Variants in TNFSF4 observed in about 807,000 individuals in gnomAD.
TNFSF4 encodes the protein tumor necrosis factor ligand superfamily member 4.
In TNFSF4, 4 loss-of-function variants were observed where a neutral mutation model predicts 7.3. The observed-to-expected ratio is 0.55, with a 90% CI of 0.27 to 1.25. The LOEUF is 1.25. Ranked by LOEUF, TNFSF4 falls within the 50% of genes most tolerant of loss-of-function variation. The pLI is 0.12. For missense variants in TNFSF4, 181 were observed against 208.8 expected (o/e 0.87, Z 0.82); for synonymous variants, 76 against 83.7 (o/e 0.91, Z 0.50).
the TNFSF4 span, among the ~76,000 whole-genome samples, chr1:173,177,829 C>T: frequency 6.6e-6 from 1 of 151,920 alleles, no homozygotes; most frequent in East Asian, 1.9e-4. Flanking sequence ...TAATAAGTGC[C>T]ATTAAAGAAT....
intron 2 of TNFSF4, 126 bp downstream of exon 2, chr1:173,188,395 G>A: frequency 1.4e-6 from 1 of 737,802 alleles, no homozygotes. Context: ...ACAATTCTGG[G>A]ATTTAATTGG....
the TNFSF4 span, among the ~76,000 whole-genome samples, chr1:173,297,237 C>T: frequency 4.0e-5 from 6 of 151,828 alleles, no homozygotes; most frequent in Non-Finnish European, 7.4e-5. Flanking sequence ...TATATTCATA[C>T]ACCATCTAAT....
chr1:173,247,727 T>G, the TNFSF4 span, among the ~76,000 whole-genome samples: 1 of 152,320 alleles, frequency 6.6e-6, no homozygotes, highest in South Asian at 2.1e-4. Flanking sequence ...AAGTATAAGT[T>G]TATTTGAAAA....
the TNFSF4 span, among the ~76,000 whole-genome samples, chr1:173,416,097 A>T: frequency 1.3e-5 from 2 of 152,186 alleles, no homozygotes; most frequent in African/African-American, 4.8e-5. Flanking sequence ...CCAGGGAGGT[A>T]GAGCCAACCC....
the TNFSF4 span, among the ~76,000 whole-genome samples, chr1:173,231,194 C>A: frequency 2.6e-5 from 4 of 152,190 alleles, no homozygotes; most frequent in Non-Finnish European, 5.9e-5. Flanking sequence ...CAGAAATCCT[C>A]AGTAAATTAC....
the TNFSF4 span, among the ~76,000 whole-genome samples, chr1:173,352,285 G>A: frequency 6.6e-6 from 1 of 152,192 alleles, no homozygotes; most frequent in Admixed American, 6.5e-5. Context: ...CTGCTGCTGT[G>A]ACCATGTTAG....
chr1:173,332,497 C>G, the TNFSF4 span, among the ~76,000 whole-genome samples: 1 of 151,852 alleles, frequency 6.6e-6, no homozygotes, highest in Non-Finnish European at 1.5e-5. Context: ...TGCCATTGCA[C>G]TCCAGCCTGG....
the TNFSF4 span, among the ~76,000 whole-genome samples, chr1:173,444,397 CA>C: frequency 6.6e-6 from 1 of 151,580 alleles, no homozygotes; most frequent in Non-Finnish European, 1.5e-5. Context: ...TTTTTTCGTA[CA>C]AAAAGTTTGG....
At chr1:173,256,648 GA>G in the TNFSF4 span, among the ~76,000 whole-genome samples, 1 of 152,184 alleles carries the variant, frequency 6.6e-6, no homozygotes. Flanking sequence ...TTAGGGGCAA[GA>G]GTTAAACTTG....
chr1:173,337,347 C>G, the TNFSF4 span, among the ~76,000 whole-genome samples: 1 of 152,100 alleles, frequency 6.6e-6, no homozygotes, highest in Non-Finnish European at 1.5e-5. Context: ...ACCCACCAAG[C>G]CATAAAGTTG....
At chr1:173,414,465 C>T in the TNFSF4 span, among the ~76,000 whole-genome samples, 132 of 152,192 alleles carry the variant, frequency 8.7e-4, 1 homozygote, top group South Asian at 3.9e-3. Context: ...TATTGGGGGA[C>T]GCAATTCAAT....
chr1:173,408,585 A>G, the TNFSF4 span, among the ~76,000 whole-genome samples: 1 of 152,128 alleles, frequency 6.6e-6, no homozygotes, highest in Non-Finnish European at 1.5e-5. Flanking sequence ...CATTTCATGC[A>G]GAATGGAGTT....
chr1:173,297,930 A>G, the TNFSF4 span, among the ~76,000 whole-genome samples: 5 of 151,922 alleles, frequency 3.3e-5, no homozygotes, highest in Non-Finnish European at 5.9e-5. Context: ...TTTTAAACCA[A>G]AACCAAGGCT....
the TNFSF4 span, among the ~76,000 whole-genome samples, chr1:173,348,720 C>A: frequency 6.6e-6 from 1 of 152,062 alleles, no homozygotes; most frequent in Non-Finnish European, 1.5e-5. Context: ...ATGAAAAAGA[C>A]CACCACAAAT....
chr1:173,428,445 A>T, the TNFSF4 span, among the ~76,000 whole-genome samples: 1 of 152,224 alleles, frequency 6.6e-6, no homozygotes, highest in African/African-American at 2.4e-5. Context: ...AACAAAACAG[A>T]GAGGGACATG....
At chr1:173,179,879 C>G (rs903346751), downstream of TNFSF4, among the ~76,000 whole-genome samples, 2 of 152,144 alleles carry the variant, frequency 1.3e-5, no homozygotes, top group Admixed American at 6.5e-5. Flanking sequence ...GTCATATAGT[C>G]TTGGATGGTA....
chr1:173,312,035 TG>T, the TNFSF4 span, among the ~76,000 whole-genome samples: 1 of 152,150 alleles, frequency 6.6e-6, no homozygotes, highest in Non-Finnish European at 1.5e-5. Flanking sequence ...TACTTGATTC[TG>T]GTTTATATGC....
the TNFSF4 span, among the ~76,000 whole-genome samples, chr1:173,358,813 C>T: frequency 2.0e-5 from 3 of 152,190 alleles, no homozygotes; most frequent in Admixed American, 2.0e-4. Context: ...GAAAAGTTTA[C>T]ATATTGTGTC....
At chr1:173,340,613 C>G in the TNFSF4 span, among the ~76,000 whole-genome samples, 1 of 151,998 alleles carries the variant, frequency 6.6e-6, no homozygotes, top group Non-Finnish European at 1.5e-5. Context: ...ATTGGTCGAC[C>G]TCAAGAAATC....
Sources: allele counts gnomAD v4.1 joint callset (sites outside exome capture counted in the v4.1 genomes callset), GRCh38; gene constraint gnomAD v4.1.1; transcripts MANE v1.5; gene names NCBI Gene and HGNC (gene_info 2026-07-23, HGNC 2026-07-21).